Variants in CACNB3 observed in about 807,000 individuals in gnomAD.
The protein encoded by CACNB3 is calcium voltage-gated channel auxiliary subunit beta 3.
A neutral mutation model predicts 63.7 loss-of-function variants in CACNB3; 36 were observed. The observed-to-expected ratio is 0.57, with a 90% CI of 0.43 to 0.75. The LOEUF (loss-of-function observed/expected upper bound fraction) is 0.75, where lower values mean the gene tolerates loss of function less well. Ranked by LOEUF, CACNB3 falls within the 30% of genes least tolerant of loss-of-function variation. The probability of loss-of-function intolerance (pLI) is 0.00; values close to 1 mark genes in which losing one functional copy is unlikely to be tolerated. For synonymous variants in CACNB3, 241 were observed against 250.6 expected, an observed-to-expected ratio of 0.96 and a Z score of 0.36; for missense variants, 493 against 648.6, an observed-to-expected ratio of 0.76 and a Z score of 2.61.
intron 1 of CACNB3, among the ~76,000 whole-genome samples, chr12:48,821,923 G>A (rs926406536): frequency 3.3e-5 from 5 of 152,158 alleles, no homozygotes; most frequent in African/African-American, 4.8e-5. Context: ...CCTAAGGCTC[G>A]AGAGCCTGGG....
chr12:48,828,269 A>C lies in CACNB3; in HGVS notation c.*370A>C. 1.5e-5 allele frequency: 5 copies of C among 327,972 alleles called. No homozygotes were observed. Among genetic ancestry groups the C allele is most frequent in the Non-Finnish European group, 2.9e-5 (5 of 170,060 alleles). The allele number at this position is 327,972 out of a possible 1,614,324, so 20.3% of individuals were successfully genotyped here. On this transcript the variant is annotated 3_prime_UTR_variant, in exon 13 of 13. Transcript: ENST00000301050. The stretch of plus-strand genomic sequence containing the variant: ...AAGGGATGCCCCATTAAAGTGACAA[A>C]AGGGTGGGGTGTGGGCACCATGGCA...
In CACNB3 at chr12:48,818,891, G is replaced by A. The variant is rs1267436322; in HGVS notation, c.-39G>A. The stretch of plus-strand genomic sequence containing the variant: ...TTGCCCCTGCCTCCGGGCCGCTCCC[G>A]CCCCCGGCGCCGCTCGCTCCCCCGA... On this transcript the variant is annotated 5_prime_UTR_variant, in exon 1 of 13. Coordinates refer to ENST00000301050, the MANE Select transcript of CACNB3 (RefSeq NM_000725.4). The surrounding 1 kb of genome is among the most constrained non-coding windows in gnomAD (Gnocchi z 4.3). 5 of 1,543,460 alleles carry A rather than the reference G, an allele frequency of 3.2e-6. No homozygotes were observed. The highest frequency in any genetic ancestry group is 3.5e-6 in the Non-Finnish European group (4 of 1,144,122).
chr12:48,822,004 T>C (rs1937874186), intron 1 of CACNB3, among the ~76,000 whole-genome samples: 1 of 152,178 alleles, frequency 6.6e-6, no homozygotes, highest in South Asian at 2.1e-4. Flanking sequence ...ACAGCAGGTA[T>C]GTGATTTTGC....
upstream of CACNB3, chr12:48,814,500 C>T: frequency 6.5e-7 from 1 of 1,530,500 alleles, no homozygotes. The surrounding 1 kb of genome is among the most constrained non-coding windows in gnomAD (Gnocchi z 6.9). Context: ...CTGCCCAGTC[C>T]CGGCCAGGAC....
At chr12:48,814,861 A>G (rs1009535400), upstream of CACNB3, 1 of 331,418 alleles carries the variant, frequency 3.0e-6, no homozygotes, top group Non-Finnish European at 5.5e-6. This position sits in a 1 kb window ranked among gnomAD's most constrained non-coding sequence, Gnocchi z 6.9. Flanking sequence ...AGCGAGCCCA[A>G]GGGGCGCTGC....
chr12:48,823,913 C>T lies in CACNB3; in HGVS notation c.291+110C>T. Reference sequence around the variant, plus strand: ...CAGTCTAATTCCCCAAGCTAATCAGCTCTTCTCCTTAACACACACCTGTCC... The same window carrying T: ...CAGTCTAATTCCCCAAGCTAATCAGTTCTTCTCCTTAACACACACCTGTCC... On this transcript the variant is annotated intron_variant, in intron 3 of 12. Transcript: ENST00000301050. The surrounding 1 kb of genome is among the most constrained non-coding windows in gnomAD (Gnocchi z 4.2). 1 of 1,412,484 alleles carries T rather than the reference C, an allele frequency of 7.1e-7. No individual in the cohort carries two copies. The highest frequency in any genetic ancestry group is 1.3e-5 in the South Asian group (1 of 77,382). 87.5% of individuals were successfully genotyped at this position (1,412,484 alleles called of 1,614,324 possible).
chr12:48,815,752 TCGTGGG>T, upstream of CACNB3: 1 of 598,422 alleles, frequency 1.7e-6, no homozygotes, highest in Non-Finnish European at 2.8e-6. Flanking sequence ...GGGTGTGGGG[TCGTGGG>T]AAGGGGGTTC....
Position 48,828,022 on chromosome 12 carries a change from C to G in CACNB3, c.*123C>G, listed in dbSNP as rs1454294671. 2 of 828,148 alleles carry G rather than the reference C, an allele frequency of 2.4e-6. No homozygotes were observed. The highest frequency in any genetic ancestry group is 5.0e-5 in the Admixed American group (2 of 39,702). The allele number at this position is 828,148 out of a possible 1,614,324, so 51.3% of individuals were successfully genotyped here. ...GGCTCAGCCCCCAAAACCCCCTGCC[C>G]AGCCCCAGCTTCAGGGCTGCCTGTG... On this transcript the variant is annotated 3_prime_UTR_variant, in exon 13 of 13. Transcript: ENST00000301050.
chr12:48,823,421 G>T lies in CACNB3; in HGVS notation c.123G>T (p.Arg41=), dbSNP rs1441633900. ...VSLEEDRESA[R]REVESQAQQQ... ...TGGAGGAGGACCGGGAGAGTGCCCG[G>T]CGTGAAGTAGAGAGCCAGGCTCAGC... Residue 41 remains arginine (R), a synonymous_variant, in exon 2 of 13, where the codon CGG becomes CGT. Transcript: ENST00000301050. This position sits in a 1 kb window ranked among gnomAD's most constrained non-coding sequence, Gnocchi z 4.2. 6.2e-7 allele frequency: 1 copy of T among 1,614,164 alleles called. No homozygotes were observed. The highest frequency in any genetic ancestry group is 8.5e-7 in the Non-Finnish European group (1 of 1,180,006).
Position 48,824,699 on chromosome 12 carries a change from C to T in CACNB3, c.438C>T (p.Asp146=). ...RRSGNPSSLS[D]IGNRRSPPPS... is the part of the protein sequence containing the mutation. Reference sequence around the variant, plus strand: ...CTGGGAACCCTTCCAGCCTGAGTGACATTGGCAACCGACGCTCCCCTCCGC... The same window carrying T: ...CTGGGAACCCTTCCAGCCTGAGTGATATTGGCAACCGACGCTCCCCTCCGC... Residue 146 remains aspartate (D), a synonymous_variant, in exon 5 of 13, where the codon GAC becomes GAT. Transcript: ENST00000301050. 1.2e-6 allele frequency: 2 copies of T among 1,613,876 alleles called. No individual in the cohort carries two copies. Among genetic ancestry groups the T allele is most frequent in the Non-Finnish European group, 1.7e-6 (2 of 1,179,966 alleles).
chr12:48,824,648 T>C (rs756414562), intron 4 of CACNB3, 21 bp from the exon 5 acceptor site: 2 of 1,607,152 alleles, frequency 1.2e-6, no homozygotes, highest in South Asian at 1.1e-5. Flanking sequence ...CTCTCTCTCT[T>C]TCACCTCCCT....
chr12:48,827,753 T>G lies in CACNB3; in HGVS notation c.1309T>G (p.Tyr437Asp), dbSNP rs1213197530. Reference sequence around the variant, plus strand: ...CTATGCAGATGCCTACCAGGACCTGTACCAGCCTCACCGCCAACACACCTC... The same window carrying G: ...CTATGCAGATGCCTACCAGGACCTGGACCAGCCTCACCGCCAACACACCTC... ...EDYADAYQDL[Y>D]QPHRQHTSGL... The change falls in exon 13 of 13, where the codon TAC (tyrosine) becomes GAC (aspartate). Residue 437 changes from tyrosine to aspartate, a missense_variant. Tyr to Asp is a radical substitution (Grantham distance 160). Transcript: ENST00000301050. 6.2e-7 allele frequency: 1 copy of G among 1,614,014 alleles called. No homozygotes were observed. The highest frequency in any genetic ancestry group is 1.7e-5 in the Admixed American group (1 of 60,006).
chr12:48,818,958 T>G lies in CACNB3; in HGVS notation c.29T>G (p.Phe10Cys). 6.2e-7 allele frequency: 1 copy of G among 1,605,082 alleles called. No homozygotes were observed. Among genetic ancestry groups the G allele is most frequent in the Non-Finnish European group, 8.5e-7 (1 of 1,176,010 alleles). The stretch of plus-strand genomic sequence containing the variant: ...TATGACGACTCCTACGTGCCCGGGT[T>G]TGAGGACTCGGAGGCGGTGAGTGCC... MYDDSYVPG[F>C]EDSEAGSADS... Residue 10 changes from phenylalanine to cysteine, a missense_variant, in exon 1 of 13, where the codon TTT (phenylalanine) becomes TGT (cysteine). By Grantham distance (205) the Phe-to-Cys change is radical (BLOSUM62 -2). Transcript: ENST00000301050. This position sits in a 1 kb window ranked among gnomAD's most constrained non-coding sequence, Gnocchi z 4.3.
Position 48,826,311 on chromosome 12 carries a change from TG to T in CACNB3, c.743-54del. 1.3e-6 allele frequency: 2 copies of T among 1,595,032 alleles called. No homozygotes were observed. Among genetic ancestry groups the T allele is most frequent in the South Asian group, 1.1e-5 (1 of 90,650 alleles). On this transcript the variant is annotated intron_variant, in intron 9 of 12. Transcript: ENST00000301050. This position sits in a 1 kb window ranked among gnomAD's most constrained non-coding sequence, Gnocchi z 4.8. The stretch of plus-strand genomic sequence containing the variant: ...CCATTCGGGAGCCCTCAAAGCCTGC[TG>T]GAGTGAGCAGTGGGCAGAGCTCCTG...
Position 48,824,004 on chromosome 12 carries a change from T to C in CACNB3, c.291+201T>C, listed in dbSNP as rs1040298157. 30 of 711,964 alleles carry C rather than the reference T, an allele frequency of 4.2e-5. 1 individual carries two copies. Among genetic ancestry groups the C allele is most frequent in the Non-Finnish European group, 6.2e-5 (27 of 435,962 alleles). The allele number at this position is 711,964 out of a possible 1,614,324, so 44.1% of individuals were successfully genotyped here. A position where few individuals can be genotyped will look rare whatever the true frequency, so the allele number is the denominator to read the frequency against. ...TTCTGAGACCTGGCTTGGGCATCAG[T>C]CTCCATGTCTGTCAAGTGAGCAGTT... is the stretch of plus-strand genomic sequence containing the variant. On this transcript the variant is annotated intron_variant, in intron 3 of 12. Transcript: ENST00000301050.
upstream of CACNB3, chr12:48,816,762 A>G: frequency 1.3e-6 from 1 of 792,236 alleles, no homozygotes; most frequent in South Asian, 5.8e-5. Context: ...GCTGTTACCT[A>G]CAGCCCCAGG....
In CACNB3 at chr12:48,826,319, G is replaced by A; in HGVS notation, c.743-48G>A. ...GAGCCCTCAAAGCCTGCTGGAGTGA[G>A]CAGTGGGCAGAGCTCCTGGTGAGCA... is the stretch of plus-strand genomic sequence containing the variant. On this transcript the variant is annotated intron_variant, in intron 9 of 12. Transcript: ENST00000301050. This position sits in a 1 kb window ranked among gnomAD's most constrained non-coding sequence, Gnocchi z 4.8. 6.2e-7 allele frequency: 1 copy of A among 1,604,516 alleles called. No homozygotes were observed. The highest frequency in any genetic ancestry group is 1.3e-5 in the African/African-American group (1 of 74,836).
intron 5 of CACNB3, 53 bp downstream of exon 5, chr12:48,824,786 G>T (rs1441795726): frequency 5.1e-6 from 8 of 1,574,256 alleles, no homozygotes; most frequent in African/African-American, 1.4e-5. Flanking sequence ...TAAGACACAG[G>T]GAAAGAGGGG....
chr12:48,824,986 C>G lies in CACNB3; in HGVS notation c.492+18C>G. On this transcript the variant is annotated intron_variant, in intron 6 of 12. Coordinates refer to ENST00000301050, the MANE Select transcript of CACNB3 (RefSeq NM_000725.4). Reference sequence around the variant, plus strand: ...AAAAGCAGGTGAGTCAAGGAAGGGACCTGGGCTGGGGGGATCATGGCTTAT... The same window carrying G: ...AAAAGCAGGTGAGTCAAGGAAGGGAGCTGGGCTGGGGGGATCATGGCTTAT... 6.2e-7 allele frequency: 1 copy of G among 1,610,792 alleles called. No homozygotes were observed. The highest frequency in any genetic ancestry group is 8.5e-7 in the Non-Finnish European group (1 of 1,179,286).
Sources: gnomAD v4.1 joint callset for allele counts (sites outside exome capture counted in the v4.1 genomes callset) on GRCh38, gnomAD v4.1.1 for gene constraint, Gnocchi (gnomAD v3.1) non-coding constraint, MANE v1.5 for transcripts, NCBI Gene and HGNC (gene_info 2026-07-23, HGNC 2026-07-21) for gene names.